UNC5D: variants seen among roughly 807,000 people sequenced by gnomAD.
UNC5D encodes the protein netrin receptor UNC5D.
A neutral mutation model predicts 105.4 loss-of-function variants in UNC5D; 39 were observed. That is an observed-to-expected ratio of 0.37 (90% confidence interval 0.29 to 0.48). UNC5D has a LOEUF of 0.48. Ranked by LOEUF, UNC5D falls within the 20% of genes least tolerant of loss-of-function variation. The probability of loss-of-function intolerance (pLI) is 0.98; values close to 1 mark genes in which losing one functional copy is unlikely to be tolerated. For synonymous variants in UNC5D, 452 were observed against 450.4 expected (o/e 1.00, Z -0.04); for missense variants, 991 against 1,202.4 (o/e 0.82, Z 2.60).
In UNC5D at chr8:35,485,336, G is replaced by A. The variant is rs925576238; in HGVS notation, c.104-63956G>A. ...AATACTGTCAGTATAACATCTCTGC[G>A]AGATGGGCAAGATGACTGGCATATA... On this transcript the variant is annotated intron_variant, in intron 1 of 16. Coordinates refer to ENST00000404895, the MANE Select transcript of UNC5D (RefSeq NM_080872.4). Among the ~76,000 whole-genome samples, 12 of 152,146 alleles carry A rather than the reference G, an allele frequency of 7.9e-5. 1 individual carries two copies. Among genetic ancestry groups the A allele is most frequent in the African/African-American group, 2.7e-4 (11 of 41,440 alleles).
intron 1 of UNC5D, among the ~76,000 whole-genome samples, chr8:35,413,291 G>GTGTGTGTGTGT (rs1554525297): frequency 1.5e-4 from 1 of 6,694 alleles, no homozygotes; most frequent in African/African-American, 2.4e-4. Context: ...GTGTGTGTGT[G>GTGTGTGTGTGT]TTGTGTGTGT....
intron 1 of UNC5D, among the ~76,000 whole-genome samples, chr8:35,237,564 C>T (rs1802552601): frequency 6.6e-6 from 1 of 152,112 alleles, no homozygotes; most frequent in Non-Finnish European, 1.5e-5. Context: ...TGCCAGCAGC[C>T]TCTTGGATGG....
At chr8:35,329,814 A>G (rs1810473413) in intron 1 of UNC5D, among the ~76,000 whole-genome samples, 1 of 152,028 alleles carries the variant, frequency 6.6e-6, no homozygotes, top group African/African-American at 2.4e-5. Flanking sequence ...AACTAATTCT[A>G]TTATTATTTG....
chr8:35,439,726 T>C (rs1234119276), intron 1 of UNC5D, among the ~76,000 whole-genome samples: 1 of 152,034 alleles, frequency 6.6e-6, no homozygotes, highest in Non-Finnish European at 1.5e-5. Context: ...CTTCTAAATA[T>C]GGAAAGTCGT....
At chr8:35,505,332 A>C (rs1812242241) in intron 1 of UNC5D, among the ~76,000 whole-genome samples, 1 of 152,246 alleles carries the variant, frequency 6.6e-6, no homozygotes, top group Non-Finnish European at 1.5e-5. Context: ...TACTTTGGAG[A>C]TACGAAAAAG....
intron 1 of UNC5D, among the ~76,000 whole-genome samples, chr8:35,390,292 A>C (rs1227235796): frequency 6.6e-6 from 1 of 152,252 alleles, no homozygotes; most frequent in African/African-American, 2.4e-5. Flanking sequence ...TTACGTTTGA[A>C]TATGAGATTT....
intron 14 of UNC5D, among the ~76,000 whole-genome samples, chr8:35,765,796 C>T (rs1207577214): frequency 6.6e-6 from 1 of 152,184 alleles, no homozygotes; most frequent in African/African-American, 2.4e-5. Context: ...GGGTTCCAAA[C>T]TTCCAGACTT....
At chr8:35,477,726 T>C (rs1267715647) in intron 1 of UNC5D, among the ~76,000 whole-genome samples, 2 of 152,060 alleles carry the variant, frequency 1.3e-5, no homozygotes, top group Non-Finnish European at 2.9e-5. Flanking sequence ...TTTTATTCTG[T>C]GATTTTTACC....
chr8:35,467,702 A>T (rs1175475095), intron 1 of UNC5D, among the ~76,000 whole-genome samples: 1 of 152,016 alleles, frequency 6.6e-6, no homozygotes, highest in African/African-American at 2.4e-5. Flanking sequence ...TATCTATTTT[A>T]GGGCAAAACT....
chr8:35,345,575 TTGAC>T (rs1454534518), intron 1 of UNC5D, among the ~76,000 whole-genome samples: 3 of 152,050 alleles, frequency 2.0e-5, no homozygotes, highest in Admixed American at 6.6e-5. Flanking sequence ...ATTTTCATCT[TTGAC>T]TGTGTTGGGC....
chr8:35,335,186 G>C (rs1218836623), intron 1 of UNC5D, among the ~76,000 whole-genome samples: 4 of 152,090 alleles, frequency 2.6e-5, no homozygotes, highest in African/African-American at 9.7e-5. Flanking sequence ...ATTTCCCATT[G>C]ATGGGCGCTG....
rs1216336820 is a variant in UNC5D, at chr8:35,302,988, A to G, written c.103+67101A>G. Among the ~76,000 whole-genome samples, 7 of 152,248 alleles carry G rather than the reference A, an allele frequency of 4.6e-5. No homozygotes were observed. The South Asian group carries it at 1.2e-3, about 27-fold the overall frequency. On this transcript the variant is annotated intron_variant, in intron 1 of 16. Coordinates refer to ENST00000404895, the MANE Select transcript of UNC5D (RefSeq NM_080872.4). ...TATGTATATAAGTTAAGTTTTTTGCAGCCACAATAAAAAAGAGAAAAAGAA... is the reference window on the plus strand; with the variant it reads ...TATGTATATAAGTTAAGTTTTTTGCGGCCACAATAAAAAAGAGAAAAAGAA...
chr8:35,662,728 G>A (rs1460934557), intron 4 of UNC5D, among the ~76,000 whole-genome samples: 1 of 152,174 alleles, frequency 6.6e-6, no homozygotes, highest in Non-Finnish European at 1.5e-5. Context: ...TCACAAGTTT[G>A]TTAGAGCGGT....
In UNC5D at chr8:35,668,588, A is replaced by C. The variant is rs1228747310; in HGVS notation, c.571-14959A>C. Among the ~76,000 whole-genome samples, 3 of 152,120 alleles carry C rather than the reference A, an allele frequency of 2.0e-5. No individual in the cohort carries two copies. The East Asian group carries it at 5.8e-4, about 29-fold the overall frequency. ...TTGTGGTTGCACTTATTATATTTTA[A>C]TATTTTATGTGTCTGGGGTTTGTTT... On this transcript the variant is annotated intron_variant, in intron 4 of 16. Transcript: ENST00000404895.
At position 35,526,958 on chromosome 8, in the gene UNC5D, C is replaced by G. The variant is rs114607810; in HGVS notation, c.104-22334C>G. ...ATGACTGTTTGTATCCATCATGGGT[C>G]AAAACTTTCTGTGCCTTTGCTTCTG... On this transcript the variant is annotated intron_variant, in intron 1 of 16. Coordinates refer to ENST00000404895, the MANE Select transcript of UNC5D (RefSeq NM_080872.4). Among the ~76,000 whole-genome samples, 1,097 of 152,260 alleles carry G rather than the reference C, an allele frequency of 7.2e-3. 15 individuals are homozygous for G. The highest frequency in any genetic ancestry group is 0.025 in the African/African-American group (1,045 of 41,538).
At chr8:35,636,182 A>C (rs1481141197) in intron 4 of UNC5D, among the ~76,000 whole-genome samples, 2 of 152,218 alleles carry the variant, frequency 1.3e-5, no homozygotes, top group African/African-American at 4.8e-5. Context: ...TCATTTGTAT[A>C]AATCAATTTC....
intron 1 of UNC5D, among the ~76,000 whole-genome samples, chr8:35,343,626 T>G (rs1483761743): frequency 6.6e-6 from 1 of 152,134 alleles, no homozygotes; most frequent in Non-Finnish European, 1.5e-5. Context: ...CTTTTACATT[T>G]GCTACTTGAA....
chr8:35,622,040 G>A lies in UNC5D; in HGVS notation c.570+26383G>A, dbSNP rs541529512. Reference sequence around the variant, plus strand: ...GCTTGCAAAACGCAGTTGCATGAAGGCCCCTTAAAATCCTGAGAGGGGGCC... The same window carrying A: ...GCTTGCAAAACGCAGTTGCATGAAGACCCCTTAAAATCCTGAGAGGGGGCC... On this transcript the variant is annotated intron_variant, in intron 4 of 16. Coordinates refer to ENST00000404895, the MANE Select transcript of UNC5D (RefSeq NM_080872.4). Among the ~76,000 whole-genome samples, 19 of 152,262 alleles carry A rather than the reference G, an allele frequency of 1.2e-4. No homozygotes were observed. In the Middle Eastern group the frequency reaches 0.01, roughly 82 times the overall value.
chr8:35,557,913 C>T (rs1185221176), intron 2 of UNC5D, among the ~76,000 whole-genome samples: 1 of 152,030 alleles, frequency 6.6e-6, no homozygotes, highest in Non-Finnish European at 1.5e-5. Flanking sequence ...GGGTGGATCA[C>T]CTGAGATCAG....
Sources: gnomAD v4.1 joint callset for allele counts (sites outside exome capture counted in the v4.1 genomes callset) on GRCh38, gnomAD v4.1.1 for gene constraint, MANE v1.5 for transcripts, NCBI Gene and HGNC (gene_info 2026-07-23, HGNC 2026-07-21) for gene names.